The following ARHGAP15 variants were observed in gnomAD, a reference collection of about 807,000 sequenced individuals.
ARHGAP15 encodes the protein rho GTPase-activating protein 15.
Under a neutral mutation model 63.7 loss-of-function variants are expected in ARHGAP15, and 51 were observed. That is an observed-to-expected ratio of 0.80 (90% CI 0.64 to 1.01). The LOEUF is 1.01. Among genes scored for constraint, ARHGAP15 ranks in the 50% least tolerant of loss-of-function variants. The probability of loss-of-function intolerance (pLI) is 0.00; values close to 1 mark genes in which losing one functional copy is unlikely to be tolerated. For synonymous variants in ARHGAP15, 191 were observed against 193.8 expected (o/e 0.99, Z 0.12); for missense variants, 560 against 564.6 (o/e 0.99, Z 0.08).
intron 11 of ARHGAP15, among the ~76,000 whole-genome samples, chr2:143,574,835 A>AT (rs1313841174): frequency 6.6e-6 from 1 of 152,084 alleles, no homozygotes; most frequent in African/African-American, 2.4e-5. Context: ...TCTGAGGAAA[A>AT]TTTTCGTTAG....
At chr2:143,337,026 G>T (rs1199767403) in intron 6 of ARHGAP15, among the ~76,000 whole-genome samples, 2 of 152,016 alleles carry the variant, frequency 1.3e-5, no homozygotes, top group Non-Finnish European at 2.9e-5. Context: ...GTGGAAGGGG[G>T]TGGGAGAGAA....
intron 6 of ARHGAP15, among the ~76,000 whole-genome samples, chr2:143,371,095 A>G (rs1303582388): frequency 1.3e-5 from 2 of 152,150 alleles, no homozygotes; most frequent in African/African-American, 4.8e-5. Context: ...CACCTATTTG[A>G]GGTCTACTTT....
chr2:143,396,960 AC>A (rs1687789052), intron 6 of ARHGAP15, among the ~76,000 whole-genome samples: 1 of 152,138 alleles, frequency 6.6e-6, no homozygotes, highest in Non-Finnish European at 1.5e-5. Flanking sequence ...GCAATGACTC[AC>A]CTAAAGTTAG....
intron 12 of ARHGAP15, among the ~76,000 whole-genome samples, chr2:143,638,674 GAAAAAAAAATATTAAAA>G (rs1428753056): frequency 3.0e-3 from 280 of 93,994 alleles, no homozygotes; most frequent in African/African-American, 0.012. Context: ...ATAAATAAAA[GAAAAAAAAATATTAAAA>G]AAAAAAAAAA....
intron 6 of ARHGAP15, among the ~76,000 whole-genome samples, chr2:143,333,129 G>A (rs1422745592): frequency 1.3e-5 from 2 of 151,984 alleles, no homozygotes; most frequent in Non-Finnish European, 2.9e-5. Flanking sequence ...ACAACATCTT[G>A]GGCAATCCTT....
intron 6 of ARHGAP15, among the ~76,000 whole-genome samples, chr2:143,345,419 T>C (rs1411153782): frequency 6.6e-6 from 1 of 152,126 alleles, no homozygotes; most frequent in African/African-American, 2.4e-5. Flanking sequence ...ACCAAAATCA[T>C]TTTTATGTGC....
intron 12 of ARHGAP15, among the ~76,000 whole-genome samples, chr2:143,637,734 CA>C (rs145042540): frequency 8.5e-4 from 117 of 138,396 alleles, no homozygotes; most frequent in African/African-American, 1.9e-3. Context: ...AATATTGTGC[CA>C]AAAAAAAAAA....
chr2:143,519,296 T>C lies in ARHGAP15; in HGVS notation c.857T>C (p.Val286Ala), dbSNP rs764763327. Residue 286 changes from valine to alanine, a missense_variant, in exon 10 of 14, where the codon GTG (valine) becomes GCG (alanine). By Grantham distance (64) the Val-to-Ala change is moderately conservative. Transcript: ENST00000295095. ...ATTTTTGGCTCTCATCTGCACAAAG[T>C]GTGTGAACGTGAAAATTCCACAGTT... ...DQIFGSHLHK[V>A]CERENSTVPW... 3.1e-6 allele frequency: 5 copies of C among 1,613,270 alleles called. No individual in the cohort carries two copies. The highest frequency in any genetic ancestry group is 4.2e-6 in the Non-Finnish European group (5 of 1,179,354).
At chr2:143,470,762 C>T (rs1691488594) in intron 8 of ARHGAP15, among the ~76,000 whole-genome samples, 2 of 149,586 alleles carry the variant, frequency 1.3e-5, no homozygotes, top group South Asian at 4.2e-4. Context: ...GGTTACACTT[C>T]TTGTCAGTCA....
chr2:143,371,028 G>A (rs1192915297), intron 6 of ARHGAP15, among the ~76,000 whole-genome samples: 1 of 152,072 alleles, frequency 6.6e-6, no homozygotes, highest in Non-Finnish European at 1.5e-5. Flanking sequence ...GGTTGTTGGG[G>A]AATTTTATTT....
At chr2:143,534,315 A>T (rs933496923) in intron 10 of ARHGAP15, among the ~76,000 whole-genome samples, 10 of 152,172 alleles carry the variant, frequency 6.6e-5, no homozygotes, top group African/African-American at 2.4e-4. Flanking sequence ...GCCATGCTGA[A>T]CTGTGAGTCA....
At chr2:143,506,647 T>C (rs553322043) in intron 9 of ARHGAP15, among the ~76,000 whole-genome samples, 6 of 152,178 alleles carry the variant, frequency 3.9e-5, no homozygotes, top group Admixed American at 3.3e-4. Flanking sequence ...AAGCAGAAAA[T>C]ATCATCAATC....
intron 6 of ARHGAP15, among the ~76,000 whole-genome samples, chr2:143,337,964 C>T (rs968242691): frequency 6.6e-5 from 10 of 152,150 alleles, no homozygotes; most frequent in African/African-American, 2.4e-4. Context: ...TTTTTGAAGG[C>T]ATTACTCCTC....
chr2:143,575,200 G>T (rs569911682), intron 11 of ARHGAP15, among the ~76,000 whole-genome samples: 3 of 152,050 alleles, frequency 2.0e-5, no homozygotes, highest in Non-Finnish European at 4.4e-5. Flanking sequence ...AAAACTGTGC[G>T]CAGACACACA....
intron 6 of ARHGAP15, among the ~76,000 whole-genome samples, chr2:143,364,207 A>C (rs1217442025): frequency 2.3e-4 from 34 of 150,622 alleles, no homozygotes; most frequent in African/African-American, 3.4e-4. Context: ...CAACAACAAA[A>C]AAAAAAAAAA....
At chr2:143,325,194 A>G (rs1424131623) in intron 6 of ARHGAP15, among the ~76,000 whole-genome samples, 1 of 152,140 alleles carries the variant, frequency 6.6e-6, no homozygotes, top group African/African-American at 2.4e-5. Context: ...CTAGCTGTGT[A>G]TTGTCTTGAC....
intron 1 of ARHGAP15, among the ~76,000 whole-genome samples, chr2:143,151,452 T>C (rs78124465): frequency 6.6e-6 from 1 of 152,000 alleles, no homozygotes; most frequent in Non-Finnish European, 1.5e-5. Context: ...AGTTCTTTCA[T>C]GTAGCCAGAA....
chr2:143,210,322 A>T (rs553524565), intron 3 of ARHGAP15, among the ~76,000 whole-genome samples: 1 of 152,246 alleles, frequency 6.6e-6, no homozygotes, highest in South Asian at 2.1e-4. Context: ...CAGAACCTGG[A>T]TTCCTTGGTG....
At chr2:143,402,836 T>C (rs1313619784) in intron 6 of ARHGAP15, among the ~76,000 whole-genome samples, 1 of 151,926 alleles carries the variant, frequency 6.6e-6, no homozygotes, top group East Asian at 1.9e-4. Flanking sequence ...TTTTTCTTAA[T>C]TGAAGGTCAC....
Sources: gnomAD v4.1 joint callset for allele counts (sites outside exome capture counted in the v4.1 genomes callset) on GRCh38, gnomAD v4.1.1 for gene constraint, MANE v1.5 for transcripts, NCBI Gene and HGNC (gene_info 2026-07-23, HGNC 2026-07-21) for gene names.